FAM107B: variants seen among roughly 807,000 people sequenced by gnomAD.
The protein encoded by FAM107B is family with sequence similarity 107 member B.
FAM107B carries 21 observed loss-of-function variants against 31.5 expected under a neutral mutation model. The observed-to-expected ratio is 0.67, with a 90% CI of 0.47 to 0.96. The LOEUF (loss-of-function observed/expected upper bound fraction) is 0.96. Among genes scored for constraint, FAM107B ranks in the 40% least tolerant of loss-of-function variants. The pLI is 0.00. For synonymous variants in FAM107B, 157 were observed against 141.5 expected, an observed-to-expected ratio of 1.11 and a Z score of -0.78; for missense variants, 452 against 377.1, an observed-to-expected ratio of 1.20 and a Z score of -1.64.
chr10:14,659,774 GC>G (rs1854180593), intron 2 of FAM107B, among the ~76,000 whole-genome samples: 1 of 152,194 alleles, frequency 6.6e-6, no homozygotes, highest in Non-Finnish European at 1.5e-5. Context: ...CTCCTAAGAT[GC>G]CCAGCAAGGA....
At chr10:14,751,695 C>A (rs571264680) in intron 1 of FAM107B, among the ~76,000 whole-genome samples, 1 of 152,154 alleles carries the variant, frequency 6.6e-6, no homozygotes, top group South Asian at 2.1e-4. Context: ...TTTGAAAAAA[C>A]TGTGAGGAGT....
chr10:14,715,685 T>C (rs1465026681), intron 1 of FAM107B, among the ~76,000 whole-genome samples: 1 of 152,184 alleles, frequency 6.6e-6, no homozygotes, highest in Non-Finnish European at 1.5e-5. Flanking sequence ...GAAGGGGGAA[T>C]TGACTCGCTC....
At chr10:14,580,195 T>C (rs892154774) in intron 2 of FAM107B, among the ~76,000 whole-genome samples, 1 of 151,546 alleles carries the variant, frequency 6.6e-6, no homozygotes, top group African/African-American at 2.4e-5. Context: ...CTGTCTCTAC[T>C]AAAAATCCAA....
At chr10:14,741,539 G>A (rs912745579) in intron 1 of FAM107B, among the ~76,000 whole-genome samples, 1 of 152,114 alleles carries the variant, frequency 6.6e-6, no homozygotes, top group African/African-American at 2.4e-5. Flanking sequence ...GATACCCTCT[G>A]CCCAGCCAAA....
intron 2 of FAM107B, among the ~76,000 whole-genome samples, chr10:14,562,824 T>G (rs982973131): frequency 6.6e-6 from 1 of 152,258 alleles, no homozygotes; most frequent in African/African-American, 2.4e-5. Context: ...AGAAGTCGAT[T>G]GCATGCTAAT....
intron 1 of FAM107B, among the ~76,000 whole-genome samples, chr10:14,762,628 C>T (rs990698796): frequency 2.6e-5 from 4 of 152,010 alleles, no homozygotes; most frequent in African/African-American, 7.2e-5. Context: ...TGGTTGCACA[C>T]ACCTGTAATC....
intron 1 of FAM107B, among the ~76,000 whole-genome samples, chr10:14,694,292 T>C (rs1317274934): frequency 1.3e-5 from 2 of 152,244 alleles, no homozygotes; most frequent in African/African-American, 4.8e-5. Flanking sequence ...AAGACTTCCA[T>C]ATTGTCTTCC....
At chr10:14,581,591 A>T (rs1571038) in intron 2 of FAM107B, among the ~76,000 whole-genome samples, 1 of 152,072 alleles carries the variant, frequency 6.6e-6, no homozygotes, top group Non-Finnish European at 1.5e-5. Flanking sequence ...AGGTGTCCAC[A>T]CCAGGAGCAG....
At chr10:14,654,019 A>G (rs2131451962) in intron 2 of FAM107B, 1 of 152,034 alleles carries the variant, frequency 6.6e-6, no homozygotes. Context: ...ATTTCTTCTA[A>G]CGTCATAAGC....
intron 2 of FAM107B, among the ~76,000 whole-genome samples, chr10:14,620,747 G>C (rs577745851): frequency 3.3e-5 from 5 of 152,064 alleles, no homozygotes; most frequent in Middle Eastern, 3.4e-3. Context: ...TGTTCTTATT[G>C]TTCAACTCCC....
At chr10:14,710,429 AATACAC>A (rs1855616211) in intron 1 of FAM107B, among the ~76,000 whole-genome samples, 1 of 102,854 alleles carries the variant, frequency 9.7e-6, no homozygotes, top group African/African-American at 4.6e-5. Context: ...TGTCTCTAAA[AATACAC>A]ACACACACAC....
intron 2 of FAM107B, among the ~76,000 whole-genome samples, chr10:14,634,017 T>C (rs1853432729): frequency 6.6e-6 from 1 of 152,212 alleles, no homozygotes; most frequent in African/African-American, 2.4e-5. Context: ...TCCATAGTGC[T>C]ATAAAGTAGA....
In FAM107B at chr10:14,761,783, A is replaced by AG. The variant is rs375940559; in HGVS notation, c.411+12469dup. On this transcript the variant is annotated intron_variant, in intron 1 of 4. Transcript: ENST00000181796. ...TGGCTAATTTTTGTATTTTTAGTAGAGGGGGGGGTTTCACCATGTTGGCCA... is the reference window on the plus strand; with the variant it reads ...TGGCTAATTTTTGTATTTTTAGTAGAGGGGGGGGGTTTCACCATGTTGGCCA... 2.1e-3 allele frequency among the ~76,000 whole-genome samples: 319 copies of AG among 151,124 alleles called. 2 individuals carry two copies. The highest frequency in any genetic ancestry group is 1.6e-3 in the Non-Finnish European group (110 of 67,716).
intron 2 of FAM107B, among the ~76,000 whole-genome samples, chr10:14,531,296 G>C (rs1427096872): frequency 6.6e-6 from 1 of 152,138 alleles, no homozygotes; most frequent in Non-Finnish European, 1.5e-5. Context: ...GTTGTGGGAG[G>C]ATCACTGAGG....
At chr10:14,754,340 C>A (rs1252042731) in intron 1 of FAM107B, among the ~76,000 whole-genome samples, 1 of 152,194 alleles carries the variant, frequency 6.6e-6, no homozygotes, top group Non-Finnish European at 1.5e-5. Context: ...CCCTGTCCTG[C>A]TGAATGGCAA....
intron 1 of FAM107B, among the ~76,000 whole-genome samples, chr10:14,696,478 C>A (rs886499703): frequency 6.6e-6 from 1 of 152,012 alleles, no homozygotes; most frequent in Non-Finnish European, 1.5e-5. Context: ...GGCTTAGGTA[C>A]CAAGCATCCT....
intron 1 of FAM107B, among the ~76,000 whole-genome samples, chr10:14,698,793 T>C (rs1210394055): frequency 6.6e-6 from 1 of 152,220 alleles, no homozygotes; most frequent in East Asian, 1.9e-4. Context: ...TCTTTGAGCC[T>C]GAGACATAAG....
In FAM107B at chr10:14,569,913, G is replaced by A. The variant is rs114099577; in HGVS notation, c.470-39398C>T. On this transcript the variant is annotated intron_variant, in intron 2 of 4. Coordinates refer to ENST00000181796, the MANE Select transcript of FAM107B (RefSeq NM_031453.4). ...CAACAGCCAACCAGGCAGGCTGGGC[G>A]AGCCCAGAGGTTCCCGGAAACCAGA... Among the ~76,000 whole-genome samples, 10 of 152,266 alleles carry A rather than the reference G, an allele frequency of 6.6e-5. No homozygotes were observed. The East Asian group carries it at 1.5e-3, about 23-fold the overall frequency.
intron 1 of FAM107B, among the ~76,000 whole-genome samples, chr10:14,709,461 T>C (rs1855591093): frequency 6.6e-6 from 1 of 152,210 alleles, no homozygotes; most frequent in Admixed American, 6.5e-5. Flanking sequence ...AGAGCTTATG[T>C]AGGGAAACTC....
Sources: allele counts gnomAD v4.1 joint callset (sites outside exome capture counted in the v4.1 genomes callset), GRCh38; gene constraint gnomAD v4.1.1; transcripts MANE v1.5; gene names NCBI Gene and HGNC (gene_info 2026-07-23, HGNC 2026-07-21).